PTPRM: variants seen among roughly 807,000 people sequenced by gnomAD.
PTPRM encodes the protein protein tyrosine phosphatase receptor type M.
Under a neutral mutation model 186.7 loss-of-function variants are expected in PTPRM, and 47 were observed. The ratio of observed to expected loss-of-function variants is 0.25; its 90% CI spans 0.20 to 0.32. The LOEUF (loss-of-function observed/expected upper bound fraction) is 0.32, where lower values mean the gene tolerates loss of function less well. Ranked by LOEUF, PTPRM falls within the 10% of genes least tolerant of loss-of-function variation. The probability of loss-of-function intolerance (pLI) is 1.00; values close to 1 mark genes in which losing one functional copy is unlikely to be tolerated. For missense variants in PTPRM, 1,494 were observed against 1,865.0 expected (o/e 0.80, Z 3.66); for synonymous variants, 668 against 674.9 (o/e 0.99, Z 0.16).
At chr18:8,018,329 C>A (rs546305535) in intron 7 of PTPRM, among the ~76,000 whole-genome samples, 1 of 152,112 alleles carries the variant, frequency 6.6e-6, no homozygotes, top group African/African-American at 2.4e-5. Flanking sequence ...CCTTAGGAAC[C>A]TTTTTAAATG....
intron 7 of PTPRM, among the ~76,000 whole-genome samples, chr18:7,969,576 A>T (rs2054391302): frequency 6.8e-6 from 1 of 147,866 alleles, no homozygotes; most frequent in African/African-American, 2.6e-5. Flanking sequence ...CTAATAAAGA[A>T]AAAAAGAGAG....
chr18:8,278,999 G>A (rs1052268650), intron 19 of PTPRM, among the ~76,000 whole-genome samples: 5 of 152,042 alleles, frequency 3.3e-5, no homozygotes, highest in Admixed American at 6.6e-5. Flanking sequence ...AATGGGTGCA[G>A]CACACCAACA....
At chr18:7,798,657 T>C (rs1298219170) in intron 2 of PTPRM, among the ~76,000 whole-genome samples, 1 of 152,236 alleles carries the variant, frequency 6.6e-6, no homozygotes, top group Admixed American at 6.5e-5. Context: ...GTTTTTTCTT[T>C]AGACCATATT....
intron 7 of PTPRM, among the ~76,000 whole-genome samples, chr18:7,969,614 G>A (rs1396299531): frequency 2.5e-4 from 34 of 136,576 alleles, no homozygotes; most frequent in Non-Finnish European, 4.4e-4. Flanking sequence ...AATAAAAAAT[G>A]ATAAAGGGGA....
intron 7 of PTPRM, among the ~76,000 whole-genome samples, chr18:7,980,053 G>C (rs1474786783): frequency 6.6e-6 from 1 of 152,070 alleles, no homozygotes; most frequent in Non-Finnish European, 1.5e-5. Context: ...TAATGCCCCT[G>C]AGCGTCTTAC....
intron 5 of PTPRM, among the ~76,000 whole-genome samples, chr18:7,939,166 C>A (rs1282740525): frequency 1.3e-5 from 2 of 152,182 alleles, no homozygotes; most frequent in Non-Finnish European, 2.9e-5. Flanking sequence ...CAATATCTCA[C>A]AAATGGGCAC....
At chr18:7,943,408 C>T (rs1044139518) in intron 5 of PTPRM, among the ~76,000 whole-genome samples, 14 of 152,064 alleles carry the variant, frequency 9.2e-5, no homozygotes, top group Admixed American at 5.9e-4. Flanking sequence ...TACTCTACTT[C>T]GGTGACCCAA....
chr18:8,262,107 C>T (rs535939201), intron 19 of PTPRM, among the ~76,000 whole-genome samples: 7 of 152,094 alleles, frequency 4.6e-5, no homozygotes, highest in Non-Finnish European at 7.4e-5. Context: ...TTGCCCCTGC[C>T]GCTCCCTCAT....
chr18:7,816,975 A>T (rs1598864080), intron 2 of PTPRM, among the ~76,000 whole-genome samples: 2 of 138,608 alleles, frequency 1.4e-5, no homozygotes, highest in African/African-American at 2.7e-5. Context: ...TAGTTAATTA[A>T]TTTTTTTTTT....
In PTPRM at chr18:7,935,584, G is replaced by A. The variant is rs1479339589; in HGVS notation, c.663+8901G>A. 4.6e-5 allele frequency among the ~76,000 whole-genome samples: 7 copies of A among 152,302 alleles called. No individual in the cohort carries two copies. The South Asian group carries it at 1.5e-3, about 32-fold the overall frequency. On this transcript the variant is annotated intron_variant, in intron 5 of 32. Coordinates refer to ENST00000580170, the MANE Select transcript of PTPRM (RefSeq NM_001105244.2). ...GTAGGATGTGGCAGGAACAGGTAGG[G>A]CAGTAGAGAGCCCCTTCCTCCATAG...
intron 32 of PTPRM, among the ~76,000 whole-genome samples, chr18:8,401,592 G>A (rs775514851): frequency 6.6e-6 from 1 of 152,234 alleles, no homozygotes; most frequent in Non-Finnish European, 1.5e-5. Flanking sequence ...GGTCAGAGGT[G>A]GAGGCTATTC....
chr18:8,144,939 G>A (rs551935877), intron 14 of PTPRM, among the ~76,000 whole-genome samples: 2 of 152,186 alleles, frequency 1.3e-5, no homozygotes, highest in Non-Finnish European at 2.9e-5. Flanking sequence ...GGAGAGGTTG[G>A]CAGAGTGAAG....
intron 1 of PTPRM, among the ~76,000 whole-genome samples, chr18:7,632,204 C>A (rs971602782): frequency 6.6e-6 from 1 of 152,278 alleles, no homozygotes; most frequent in Non-Finnish European, 1.5e-5. Context: ...TAGTGACATA[C>A]CTATGATGAG....
intron 7 of PTPRM, among the ~76,000 whole-genome samples, chr18:8,067,509 T>A (rs937456789): frequency 6.6e-5 from 10 of 152,242 alleles, no homozygotes; most frequent in African/African-American, 1.4e-4. Context: ...GTTCTTAGAT[T>A]TATTACAGGA....
chr18:7,874,693 G>A (rs1273168432), intron 2 of PTPRM, among the ~76,000 whole-genome samples: 2 of 152,116 alleles, frequency 1.3e-5, no homozygotes, highest in African/African-American at 4.8e-5. Flanking sequence ...AGTGTACTCA[G>A]TAAAAATAAC....
chr18:8,082,434 A>G (rs1433344579), intron 9 of PTPRM, among the ~76,000 whole-genome samples: 1 of 151,768 alleles, frequency 6.6e-6, no homozygotes, highest in Non-Finnish European at 1.5e-5. Context: ...ATGGATGGGT[A>G]CTTTTTTTGT....
chr18:8,203,885 G>T (rs749129491), intron 14 of PTPRM, among the ~76,000 whole-genome samples: 2 of 151,740 alleles, frequency 1.3e-5, no homozygotes, highest in Non-Finnish European at 2.9e-5. Context: ...TCTTATGCTC[G>T]GTCAGGAAAG....
At chr18:8,332,371 T>G (rs2095416641) in intron 22 of PTPRM, among the ~76,000 whole-genome samples, 1 of 152,232 alleles carries the variant, frequency 6.6e-6, no homozygotes, top group African/African-American at 2.4e-5. Context: ...CAATTTTCTC[T>G]TAATGAAATT....
At chr18:8,193,113 A>G (rs1418377957) in intron 14 of PTPRM, among the ~76,000 whole-genome samples, 4 of 152,208 alleles carry the variant, frequency 2.6e-5, no homozygotes, top group Non-Finnish European at 5.9e-5. Flanking sequence ...CTGAAGTCAT[A>G]TTTAGGGATA....
Sources: allele counts gnomAD v4.1 joint callset (sites outside exome capture counted in the v4.1 genomes callset), GRCh38; gene constraint gnomAD v4.1.1; transcripts MANE v1.5; gene names NCBI Gene and HGNC (gene_info 2026-07-23, HGNC 2026-07-21).